HS3ST4: variants seen among roughly 807,000 people sequenced by gnomAD.
HS3ST4 encodes heparan sulfate glucosamine 3-O-sulfotransferase 4.
A neutral mutation model predicts 29.2 loss-of-function variants in HS3ST4; 17 were observed. The ratio of observed to expected loss-of-function variants is 0.58; its 90% confidence interval spans 0.40 to 0.87. The LOEUF (loss-of-function observed/expected upper bound fraction) is 0.87, where lower values mean the gene tolerates loss of function less well. Among genes scored for constraint, HS3ST4 ranks in the 40% least tolerant of loss-of-function variants. The probability of loss-of-function intolerance (pLI) is 0.00; values close to 1 mark genes in which losing one functional copy is unlikely to be tolerated. For missense variants in HS3ST4, 627 were observed against 634.5 expected (o/e 0.99, Z 0.13); for synonymous variants, 314 against 285.7 (o/e 1.10, Z -1.00).
chr16:26,003,031 A>T (rs1355975199), intron 1 of HS3ST4, among the ~76,000 whole-genome samples: 3 of 151,834 alleles, frequency 2.0e-5, no homozygotes, highest in African/African-American at 7.3e-5. Flanking sequence ...TAGTTTTGAC[A>T]CGCTTGGCAG....
intron 1 of HS3ST4, among the ~76,000 whole-genome samples, chr16:25,948,689 T>C (rs1394688046): frequency 6.6e-6 from 1 of 152,184 alleles, no homozygotes; most frequent in African/African-American, 2.4e-5. Flanking sequence ...ATTCTGATGC[T>C]AAATGCCACT....
chr16:26,111,682 A>C (rs1301515134), intron 1 of HS3ST4, among the ~76,000 whole-genome samples: 1 of 152,140 alleles, frequency 6.6e-6, no homozygotes, highest in Non-Finnish European at 1.5e-5. Context: ...ATAGATTTTT[A>C]TATCCTTTTT....
chr16:25,802,549 A>G (rs963193947), intron 1 of HS3ST4, among the ~76,000 whole-genome samples: 3 of 151,858 alleles, frequency 2.0e-5, no homozygotes, highest in Non-Finnish European at 4.4e-5. Context: ...TTCTTTTTCA[A>G]TATATTTTGG....
chr16:25,788,415 CAA>C (rs11384547), intron 1 of HS3ST4, among the ~76,000 whole-genome samples: 1 of 143,056 alleles, frequency 7.0e-6, no homozygotes, highest in Admixed American at 7.0e-5. Context: ...AATTCTGTCT[CAA>C]AAAAAAAAAA....
At chr16:26,061,235 C>T (rs184125692) in intron 1 of HS3ST4, among the ~76,000 whole-genome samples, 3 of 152,334 alleles carry the variant, frequency 2.0e-5, no homozygotes, top group Admixed American at 6.5e-5. Context: ...TAGCCAGATG[C>T]CTCTTTGCCA....
intron 1 of HS3ST4, among the ~76,000 whole-genome samples, chr16:25,758,957 AAAAAAAC>A (rs1484270027): frequency 8.7e-6 from 1 of 114,968 alleles, no homozygotes; most frequent in African/African-American, 3.4e-5. Flanking sequence ...CTCTGTCTCA[AAAAAAAC>A]AAAAAACAAA....
chr16:26,032,136 AAC>A (rs1333318051), intron 1 of HS3ST4, among the ~76,000 whole-genome samples: 14 of 152,230 alleles, frequency 9.2e-5, no homozygotes, highest in Non-Finnish European at 1.5e-5. Context: ...GTCAGGTCCC[AAC>A]AGATGTCTGG....
chr16:25,712,208 G>T (rs1048839912), intron 1 of HS3ST4, among the ~76,000 whole-genome samples: 7 of 152,058 alleles, frequency 4.6e-5, no homozygotes, highest in African/African-American at 1.7e-4. Flanking sequence ...ATGAATTATA[G>T]AAATAAATTG....
intron 1 of HS3ST4, among the ~76,000 whole-genome samples, chr16:26,121,177 G>A (rs1168432070): frequency 6.6e-6 from 1 of 152,186 alleles, no homozygotes; most frequent in Non-Finnish European, 1.5e-5. Flanking sequence ...GGCAGAGCCA[G>A]GATCCCAGGG....
At chr16:25,901,780 T>C (rs2141673643) in intron 1 of HS3ST4, among the ~76,000 whole-genome samples, 1 of 152,344 alleles carries the variant, frequency 6.6e-6, no homozygotes, top group Middle Eastern at 3.4e-3. Flanking sequence ...TCTTCCTCCA[T>C]CCTTGCTTTC....
At chr16:25,948,760 G>A (rs1968655108) in intron 1 of HS3ST4, among the ~76,000 whole-genome samples, 1 of 152,080 alleles carries the variant, frequency 6.6e-6, no homozygotes, top group African/African-American at 2.4e-5. Context: ...CATCATCATG[G>A]TACCTACTGA....
At chr16:26,035,888 C>A (rs1233959860) in intron 1 of HS3ST4, among the ~76,000 whole-genome samples, 1 of 152,180 alleles carries the variant, frequency 6.6e-6, no homozygotes, top group African/African-American at 2.4e-5. Flanking sequence ...CAAGTCAACT[C>A]CCCATGACTA....
intron 1 of HS3ST4, among the ~76,000 whole-genome samples, chr16:26,097,910 A>T (rs1382704244): frequency 2.0e-5 from 3 of 152,218 alleles, no homozygotes; most frequent in African/African-American, 7.2e-5. Flanking sequence ...AACCCCATCA[A>T]AAGGTAGGCA....
chr16:26,028,724 G>A (rs1969502404), intron 1 of HS3ST4, among the ~76,000 whole-genome samples: 1 of 150,824 alleles, frequency 6.6e-6, no homozygotes, highest in African/African-American at 2.5e-5. Flanking sequence ...CTAGGTGTTG[G>A]GGAAGATATT....
At chr16:25,872,357 C>T (rs2141659841) in intron 1 of HS3ST4, among the ~76,000 whole-genome samples, 1 of 152,266 alleles carries the variant, frequency 6.6e-6, no homozygotes, top group Admixed American at 6.5e-5. Context: ...TAACACACCA[C>T]CCTGAACTTC....
chr16:26,016,940 A>G (rs1387837641), intron 1 of HS3ST4, among the ~76,000 whole-genome samples: 1 of 152,126 alleles, frequency 6.6e-6, no homozygotes, highest in Non-Finnish European at 1.5e-5. Flanking sequence ...GAAAGCCCAT[A>G]TTACCTCCCA....
At chr16:25,992,964 T>C (rs1283440417) in intron 1 of HS3ST4, among the ~76,000 whole-genome samples, 1 of 152,120 alleles carries the variant, frequency 6.6e-6, no homozygotes, top group Admixed American at 6.5e-5. Flanking sequence ...CTTGCTTGCG[T>C]TAGGGGGCCC....
chr16:26,065,292 C>T (rs898065895), intron 1 of HS3ST4, among the ~76,000 whole-genome samples: 1 of 152,132 alleles, frequency 6.6e-6, no homozygotes, highest in Non-Finnish European at 1.5e-5. Flanking sequence ...ACTATGCAGC[C>T]ATAGAAAAGA....
chr16:25,692,434 C>T lies in HS3ST4; in HGVS notation c.17C>T (p.Ala6Val). The T allele has an allele frequency of 1.7e-6, 2 of 1,175,572 alleles. No homozygotes were observed. The highest frequency in any genetic ancestry group is 2.1e-6 in the Non-Finnish European group (2 of 940,468). The allele number at this position is 1,175,572 out of a possible 1,614,324, so 72.8% of individuals were successfully genotyped here. ...GGAGCCGCGATGGCCCGGTGGCCCG[C>T]ACCTCCTCCGCCTCCGCCTCCGCCT... is the stretch of plus-strand genomic sequence containing the variant. MARWP[A>V]PPPPPPPPPP... Residue 6 changes from alanine to valine, a missense_variant, in exon 1 of 2, where the codon GCA (alanine) becomes GTA (valine). This residue lies in a region of HS3ST4 where 402 missense variants were observed against 340.8 expected (regional missense o/e 1.18). Coordinates refer to ENST00000331351, the MANE Select transcript of HS3ST4 (RefSeq NM_006040.3).
Sources: gnomAD v4.1 joint callset for allele counts (sites outside exome capture counted in the v4.1 genomes callset) on GRCh38, gnomAD v4.1.1 for gene constraint, gnomAD v4.1.1 regional missense constraint, MANE v1.5 for transcripts, NCBI Gene and HGNC (gene_info 2026-07-23, HGNC 2026-07-21) for gene names.